FARS2: variants seen among roughly 807,000 people sequenced by gnomAD.
FARS2 encodes the protein phenylalanine--tRNA ligase, mitochondrial.
Under a neutral mutation model 46.4 loss-of-function variants are expected in FARS2, and 40 were observed. The observed-to-expected ratio is 0.86, with a 90% CI of 0.67 to 1.12. The LOEUF (loss-of-function observed/expected upper bound fraction) is 1.12, where lower values mean the gene tolerates loss of function less well. Ranked by LOEUF, FARS2 falls within the 50% of genes most tolerant of loss-of-function variation. FARS2 has a pLI of 0.00. For synonymous variants in FARS2, 234 were observed against 214.9 expected (o/e 1.09, Z -0.78); for missense variants, 513 against 567.9 (o/e 0.90, Z 0.98).
At chr6:5,299,567 G>A (rs17140137) in intron 1 of FARS2, among the ~76,000 whole-genome samples, 2,994 of 152,294 alleles carry the variant, frequency 0.02, 59 homozygotes, top group East Asian at 0.099. Flanking sequence ...GGGGAAACAA[G>A]TATTCTCTTG....
chr6:5,771,408 G>T lies in FARS2; in HGVS notation c.1335G>T (p.Leu445Phe). 6.2e-7 allele frequency: 1 copy of T among 1,614,122 alleles called. No homozygotes were observed. Among genetic ancestry groups the T allele is most frequent in the Non-Finnish European group, 8.5e-7 (1 of 1,180,000 alleles). ...TGCAGGAGGCTGCAGTCCAGCTGTT[G>T]GGTGTGGAGGGCAGGTTCTGATGTC... ...QALQEAAVQL[L>F]GVEGRF The change falls in exon 7 of 7, where the codon TTG becomes TTT. Residue 445 changes from leucine to phenylalanine, a missense_variant. Leu to Phe is a conservative substitution (Grantham distance 22). Transcript: ENST00000274680.
Position 5,532,780 on chromosome 6 carries a change from T to TAAGAAGAAGAAG in FARS2, c.905-12398_905-12397insGAAGAAGAAGAA, listed in dbSNP as rs1441043690. ...GTAGTAGTAGTAATAATAATAATAATAATAAGAAGAAGAAGAAGAAGAAGA... is the reference window on the plus strand; with the variant it reads ...GTAGTAGTAGTAATAATAATAATAATAAGAAGAAGAAGAATAAGAAGAAGAAGAAGAAGAAGA... On this transcript the variant is annotated intron_variant, in intron 4 of 6. Coordinates refer to ENST00000274680, the MANE Select transcript of FARS2 (RefSeq NM_006567.5). Among the ~76,000 whole-genome samples the TAAGAAGAAGAAG allele has an allele frequency of 1.7e-3, 245 of 146,512 alleles. 1 individual carries two copies. Among genetic ancestry groups the TAAGAAGAAGAAG allele is most frequent in the African/African-American group, 6.2e-3 (232 of 37,618 alleles).
intron 1 of FARS2, among the ~76,000 whole-genome samples, chr6:5,263,891 A>G (rs1284249096): frequency 6.6e-6 from 1 of 152,184 alleles, no homozygotes; most frequent in Admixed American, 6.5e-5. Flanking sequence ...TAAAATTTGT[A>G]TAGTAGTAGT....
At chr6:5,457,499 G>C (rs1226161117) in intron 4 of FARS2, among the ~76,000 whole-genome samples, 1 of 152,178 alleles carries the variant, frequency 6.6e-6, no homozygotes, top group Non-Finnish European at 1.5e-5. Context: ...TGAGCAGACT[G>C]TTATCATAAT....
At chr6:5,414,012 G>T (rs1324604825) in intron 3 of FARS2, among the ~76,000 whole-genome samples, 2 of 152,122 alleles carry the variant, frequency 1.3e-5, no homozygotes, top group Non-Finnish European at 2.9e-5. Context: ...TACCCTAAAT[G>T]ATGTCATCTC....
intron 3 of FARS2, among the ~76,000 whole-genome samples, chr6:5,406,071 C>T (rs891539121): frequency 1.3e-5 from 2 of 152,068 alleles, no homozygotes; most frequent in East Asian, 1.9e-4. Context: ...TTTTAAATCA[C>T]GATATAAAGA....
intron 1 of FARS2, among the ~76,000 whole-genome samples, chr6:5,278,562 T>C (rs1456159303): frequency 6.6e-6 from 1 of 152,254 alleles, no homozygotes; most frequent in Non-Finnish European, 1.5e-5. Flanking sequence ...ACTTGATGTA[T>C]GTTTTAATGT....
At chr6:5,505,791 GA>G (rs1768066381) in intron 4 of FARS2, among the ~76,000 whole-genome samples, 1 of 152,198 alleles carries the variant, frequency 6.6e-6, no homozygotes, top group Non-Finnish European at 1.5e-5. Context: ...AGCAGATGCA[GA>G]ATGAAAACAG....
intron 6 of FARS2, among the ~76,000 whole-genome samples, chr6:5,689,456 C>A (rs1441440312): frequency 6.6e-5 from 10 of 152,074 alleles, no homozygotes; most frequent in East Asian, 1.9e-4. Context: ...TTCGTTATGT[C>A]CCCAGTAGTC....
At chr6:5,431,763 T>C in intron 4 of FARS2, 1 of 503,968 alleles carries the variant, frequency 2.0e-6, no homozygotes, top group Admixed American at 2.1e-5. Context: ...TGTCTGGCTC[T>C]TTTCTGTAAG....
chr6:5,316,284 T>C (rs1163601895), intron 1 of FARS2, among the ~76,000 whole-genome samples: 1 of 152,272 alleles, frequency 6.6e-6, no homozygotes. Context: ...CAGCATGTTA[T>C]AACAAGGTAT....
intron 6 of FARS2, among the ~76,000 whole-genome samples, chr6:5,683,731 G>A (rs114119237): frequency 0.015 from 2,290 of 151,944 alleles, 70 homozygotes; most frequent in African/African-American, 0.052. Flanking sequence ...TTTAAGCCCC[G>A]GAGGCATTAG....
chr6:5,272,496 A>G (rs1766031317), intron 1 of FARS2: 1 of 151,994 alleles, frequency 6.6e-6, no homozygotes, highest in Non-Finnish European at 1.5e-5. Flanking sequence ...AATGGTTTGT[A>G]TTTTTCTTGT....
chr6:5,260,825 A>T (rs933835883), upstream of FARS2: 105 of 1,523,814 alleles, frequency 6.9e-5, no homozygotes, highest in Non-Finnish European at 9.0e-5. Context: ...GAAACCACGA[A>T]CGAAATAAAA....
At chr6:5,726,419 T>C (rs1017911352) in intron 6 of FARS2, among the ~76,000 whole-genome samples, 5 of 152,028 alleles carry the variant, frequency 3.3e-5, no homozygotes, top group African/African-American at 9.7e-5. Flanking sequence ...GCAATGATGA[T>C]AAATGAAATA....
chr6:5,685,125 GGCAGCC>G (rs1445949656), intron 6 of FARS2, among the ~76,000 whole-genome samples: 7 of 152,018 alleles, frequency 4.6e-5, no homozygotes, highest in African/African-American at 1.7e-4. Context: ...AAGCAGCAGA[GGCAGCC>G]GCAAGCAGAA....
intron 6 of FARS2, among the ~76,000 whole-genome samples, chr6:5,649,410 A>G (rs1777233667): frequency 6.6e-6 from 1 of 152,102 alleles, no homozygotes; most frequent in African/African-American, 2.4e-5. Context: ...CATTGTTTGG[A>G]AGATTTGAGT....
At chr6:5,645,623 TG>T (rs1341342034) in intron 6 of FARS2, among the ~76,000 whole-genome samples, 1 of 152,186 alleles carries the variant, frequency 6.6e-6, no homozygotes, top group Non-Finnish European at 1.5e-5. Context: ...GCTGCAAAAA[TG>T]AAGCTGGTGC....
intron 4 of FARS2, among the ~76,000 whole-genome samples, chr6:5,440,573 G>C (rs1763786013): frequency 6.6e-6 from 1 of 152,230 alleles, no homozygotes; most frequent in African/African-American, 2.4e-5. Context: ...TGGAAAAAAA[G>C]TACCTGCAGT....
Sources: gnomAD v4.1 joint callset for allele counts (sites outside exome capture counted in the v4.1 genomes callset) on GRCh38, gnomAD v4.1.1 for gene constraint, MANE v1.5 for transcripts, NCBI Gene and HGNC (gene_info 2026-07-23, HGNC 2026-07-21) for gene names.